The following SERPINB6 variants were observed in gnomAD, a reference collection of about 807,000 sequenced individuals.
SERPINB6 encodes the protein serpin family B member 6.
A neutral mutation model predicts 26.1 loss-of-function variants in SERPINB6; 16 were observed. The ratio of observed to expected loss-of-function variants is 0.61; its 90% confidence interval spans 0.42 to 0.93. The LOEUF is 0.93. Ranked by LOEUF, SERPINB6 falls within the 40% of genes least tolerant of loss-of-function variation. The pLI is 0.00. For synonymous variants in SERPINB6, 174 were observed against 176.6 expected (o/e 0.99, Z 0.11); for missense variants, 420 against 478.0 (o/e 0.88, Z 1.13).
chr6:2,970,057 C>CAAAAAA, intron 1 of SERPINB6: 3 of 805,434 alleles, frequency 3.7e-6, no homozygotes, highest in Non-Finnish European at 2.8e-6. Context: ...TCCAGCCTGG[C>CAAAAAA]AAAAAAAAAA....
At chr6:2,968,751 C>T in intron 1 of SERPINB6, 1 of 1,231,680 alleles carries the variant, frequency 8.1e-7, no homozygotes, top group Non-Finnish European at 1.0e-6. Flanking sequence ...AAGAGGAAAA[C>T]ACAAACAATG....
intron 1 of SERPINB6, chr6:2,969,703 T>G (rs966602633): frequency 7.1e-6 from 7 of 985,364 alleles, no homozygotes; most frequent in Middle Eastern, 5.2e-4. Context: ...TTTAACCATT[T>G]AAAGACTGGT....
Position 2,970,854 on chromosome 6 carries a change from G to A in SERPINB6, c.-11+679C>T, listed in dbSNP as rs1772081901. ...AGGGAGTTTAATTCAAACACAGAGC[G>A]GTAAGGAGATCCGGGCTGGTCCACA... On this transcript the variant is annotated intron_variant, in intron 1 of 6. Transcript: ENST00000380539. 3 of 1,231,484 alleles carry A rather than the reference G, an allele frequency of 2.4e-6. No individual in the cohort carries two copies. The African/African-American group carries it at 4.6e-5, about 19-fold the overall frequency. 76.3% of individuals were successfully genotyped at this position (1,231,484 alleles called of 1,614,324 possible). A position where few individuals can be genotyped will look rare whatever the true frequency, so the allele number is the denominator to read the frequency against.
At chr6:2,954,414 T>C (rs375105137) in intron 4 of SERPINB6, among the ~76,000 whole-genome samples, 178 bp downstream of exon 4, 2 of 152,200 alleles carry the variant, frequency 1.3e-5, no homozygotes, top group South Asian at 2.1e-4. Flanking sequence ...ACAGAACACA[T>C]TGAGCATTTC....
At chr6:2,962,997 CA>C (rs1771280869) in intron 1 of SERPINB6, among the ~76,000 whole-genome samples, 1 of 152,102 alleles carries the variant, frequency 6.6e-6, no homozygotes, top group Non-Finnish European at 1.5e-5. Flanking sequence ...CTGGCAAAGG[CA>C]AATACAACTC....
Position 2,948,690 on chromosome 6 carries a change from C to T in SERPINB6, c.739G>A (p.Glu247Lys). Residue 247 changes from glutamate to lysine, a missense_variant, in exon 7 of 7, where the codon GAA becomes AAA. Transcript: ENST00000380539. The surrounding 1 kb of genome is among the most constrained non-coding windows in gnomAD (Gnocchi z 5.0). ...ETTDLRTVEK[E>K]LTYEKFVEWT... ...TCTACGAACTTCTCGTAAGTGAGTT[C>T]TTTCTCCACCTAGAGGGAGACAGTT... 1 of 1,614,146 alleles carries T rather than the reference C, an allele frequency of 6.2e-7. No individual in the cohort carries two copies. The highest frequency in any genetic ancestry group is 1.1e-5 in the South Asian group (1 of 91,074).
chr6:2,952,686 C>G (rs1051603268), intron 5 of SERPINB6, among the ~76,000 whole-genome samples: 1 of 152,228 alleles, frequency 6.6e-6, no homozygotes, highest in Admixed American at 6.5e-5. Flanking sequence ...CAGTGTGGCA[C>G]GGAGGCCAGC....
chr6:2,968,625 A>G, intron 1 of SERPINB6: 4 of 1,220,884 alleles, frequency 3.3e-6, no homozygotes, highest in South Asian at 4.3e-5. Context: ...TGCGCTGCCT[A>G]TCTCTGGGGT....
chr6:2,970,079 T>A (rs1410497761), intron 1 of SERPINB6: 7 of 981,392 alleles, frequency 7.1e-6, no homozygotes, highest in East Asian at 1.1e-4. Context: ...AAAAAAAAAT[T>A]TTCTTTCTTT....
rs371863676 is a variant in SERPINB6, at chr6:2,948,888, C to T, written c.729+26G>A. The T allele has an allele frequency of 2.5e-6, 4 of 1,614,102 alleles. No homozygotes were observed. The highest frequency in any genetic ancestry group is 1.3e-5 in the African/African-American group (1 of 75,056). ...ACCCCCGAGTGGCTCCTTGCTAGCACGCCTCGCTCACAGCTTAGCTGTTAC... is the reference window on the plus strand; with the variant it reads ...ACCCCCGAGTGGCTCCTTGCTAGCATGCCTCGCTCACAGCTTAGCTGTTAC... On this transcript the variant is annotated intron_variant, in intron 6 of 6. Coordinates refer to ENST00000380539, the MANE Select transcript of SERPINB6 (RefSeq NM_004568.6). The surrounding 1 kb of genome is among the most constrained non-coding windows in gnomAD (Gnocchi z 5.0).
chr6:2,959,526 G>T, intron 1 of SERPINB6, 184 bp from the exon 2 acceptor site: 1 of 661,182 alleles, frequency 1.5e-6, no homozygotes, highest in East Asian at 2.8e-5. Flanking sequence ...TGTTAAGTGT[G>T]GAAAATGAAA....
chr6:2,961,868 C>T, intron 1 of SERPINB6: 1 of 984,918 alleles, frequency 1.0e-6, no homozygotes, highest in Non-Finnish European at 1.2e-6. Flanking sequence ...CACACGTTTT[C>T]CCCTCAAATG....
rs940460096 is a variant in SERPINB6 at position 2,961,849 on chromosome 6, T to A, written c.-10-2507A>T. ...CCCCCAACCCCATCCTAGACTATTC[T>A]ACCGTCAGCACACGTTTTCCCCTCA... is the stretch of plus-strand genomic sequence containing the variant. On this transcript the variant is annotated intron_variant, in intron 1 of 6. Coordinates refer to ENST00000380539, the MANE Select transcript of SERPINB6 (RefSeq NM_004568.6). 4.1e-6 allele frequency: 4 copies of A among 983,978 alleles called. No homozygotes were observed. The African/African-American group carries it at 7.0e-5, about 17-fold the overall frequency. 61.0% of individuals were successfully genotyped at this position (983,978 alleles called of 1,614,324 possible).
chr6:2,948,729 C>G lies in SERPINB6; in HGVS notation c.730-30G>C, dbSNP rs559412820. On this transcript the variant is annotated intron_variant, in intron 6 of 6. Coordinates refer to ENST00000380539, the MANE Select transcript of SERPINB6 (RefSeq NM_004568.6). The surrounding 1 kb of genome is among the most constrained non-coding windows in gnomAD (Gnocchi z 5.0). ...AGGGAGACAGTTGAAGACTTTAAGACCCAGGGTGCTGCTGCCCAGCAGGGC... is the reference window on the plus strand; with the variant it reads ...AGGGAGACAGTTGAAGACTTTAAGAGCCAGGGTGCTGCTGCCCAGCAGGGC... 2 of 1,610,692 alleles carry G rather than the reference C, an allele frequency of 1.2e-6. No homozygotes were observed. Among genetic ancestry groups the G allele is most frequent in the East Asian group, 4.5e-5 (2 of 44,856 alleles).
At chr6:2,969,927 G>A (rs1012949011) in intron 1 of SERPINB6, 2 of 742,480 alleles carry the variant, frequency 2.7e-6, no homozygotes, top group Admixed American at 6.3e-5. Flanking sequence ...ACGAGGTCAG[G>A]AGTTTGAGAC....
chr6:2,958,805 A>C (rs1344346617), intron 2 of SERPINB6, among the ~76,000 whole-genome samples: 1 of 152,118 alleles, frequency 6.6e-6, no homozygotes, highest in Non-Finnish European at 1.5e-5. Context: ...TTTACGCGTA[A>C]ATGAGAAAAT....
Position 2,953,082 on chromosome 6 carries a change from T to C in SERPINB6, c.535A>G (p.Lys179Glu). ...AACAGTCTCTCCTCGGTGTTCTCCT[T>C]GTCAAACTGTTCATCCCAGTTTCCT... ...FRGNWDEQFD[K>E]ENTEERLFKV... is the part of the protein sequence containing the mutation. The change falls in exon 5 of 7, where the codon AAG (lysine) becomes GAG (glutamate). Residue 179 changes from lysine (K) to glutamate (E), a missense_variant. Transcript: ENST00000380539. 1 of 1,614,256 alleles carries C rather than the reference T, an allele frequency of 6.2e-7. No homozygotes were observed. The highest frequency in any genetic ancestry group is 1.1e-5 in the South Asian group (1 of 91,090).
At position 2,967,958 on chromosome 6, in the gene SERPINB6, G is replaced by A. The variant is rs532291595; in HGVS notation, c.-11+3575C>T. 1.3e-5 allele frequency: 2 copies of A among 151,800 alleles called. No individual in the cohort carries two copies. Among genetic ancestry groups the A allele is most frequent in the African/African-American group, 2.4e-5 (1 of 41,288 alleles). 9.4% of individuals were successfully genotyped at this position (151,800 alleles called of 1,614,324 possible). The stretch of plus-strand genomic sequence containing the variant: ...CATTACTGAGTATACAACCAGAGGA[G>A]AGAGGAATAGAAATCATTCTCCCAT... On this transcript the variant is annotated intron_variant, in intron 1 of 6. Transcript: ENST00000380539. This position sits in a 1 kb window ranked among gnomAD's most constrained non-coding sequence, Gnocchi z 4.3.
chr6:2,954,959 G>A (rs1317761962), intron 3 of SERPINB6: 1 of 458,332 alleles, frequency 2.2e-6, no homozygotes, highest in African/African-American at 2.0e-5. Context: ...GGGGGCCGAG[G>A]CGGGTGGATC....
Sources: allele counts gnomAD v4.1 joint callset (sites outside exome capture counted in the v4.1 genomes callset), GRCh38; gene constraint gnomAD v4.1.1; non-coding constraint Gnocchi (gnomAD v3.1); transcripts MANE v1.5; gene names NCBI Gene and HGNC (gene_info 2026-07-23, HGNC 2026-07-21).